Variants in CDC42BPB observed in about 807,000 individuals in gnomAD.
CDC42BPB encodes the protein CDC42 binding protein kinase beta, also known as serine/threonine-protein kinase MRCK beta.
A neutral mutation model predicts 214.9 loss-of-function variants in CDC42BPB; 37 were observed. The ratio of observed to expected loss-of-function variants is 0.17; its 90% CI spans 0.13 to 0.23. CDC42BPB has a LOEUF of 0.23. CDC42BPB is among the 10% of genes least tolerant of loss of function. The pLI is 1.00. For missense variants in CDC42BPB, 1,694 were observed against 2,227.0 expected (o/e 0.76, Z 4.82); for synonymous variants, 931 against 884.0 (o/e 1.05, Z -0.94).
chr14:103,047,679 A>G (rs1888370197), intron 1 of CDC42BPB, among the ~76,000 whole-genome samples: 2 of 152,138 alleles, frequency 1.3e-5, no homozygotes, highest in Non-Finnish European at 2.9e-5. Flanking sequence ...CGAAGCGGGC[A>G]GATTCCCTGA....
chr14:102,973,193 T>G (rs1202614448), intron 12 of CDC42BPB, among the ~76,000 whole-genome samples: 1 of 152,190 alleles, frequency 6.6e-6, no homozygotes, highest in Non-Finnish European at 1.5e-5. Flanking sequence ...GGAGGTACTA[T>G]GACCCTGTCA....
At chr14:103,003,794 C>A in intron 4 of CDC42BPB, 134 bp downstream of exon 4, 1 of 574,464 alleles carries the variant, frequency 1.7e-6, no homozygotes, top group South Asian at 3.0e-5. Flanking sequence ...GAAAACAAGC[C>A]CCGCCGTTTT....
rs542472008 is a variant in CDC42BPB, at chr14:103,019,069, C to T, written c.176-6881G>A. ...GGGGATCTTCCCACCTTGGCCTCCC[C>T]AGTAGCTGGGACCACAGGCATGCTC... is the stretch of plus-strand genomic sequence containing the variant. On this transcript the variant is annotated intron_variant, in intron 1 of 36. Transcript: ENST00000361246. Among the ~76,000 whole-genome samples the T allele has an allele frequency of 2.6e-5, 4 of 152,212 alleles. No homozygotes were observed. In the South Asian group the frequency reaches 8.3e-4, roughly 32 times the overall value.
At position 102,999,978 on chromosome 14, in the gene CDC42BPB, T is replaced by C. The variant is rs1004956652; in HGVS notation, c.448-265A>G. 3 of 920,516 alleles carry C rather than the reference T, an allele frequency of 3.3e-6. No individual in the cohort carries two copies. In the African/African-American group the frequency reaches 5.4e-5, roughly 16 times the overall value. 57.0% of individuals were successfully genotyped at this position (920,516 alleles called of 1,614,324 possible). A position where few individuals can be genotyped will look rare whatever the true frequency, so the allele number is the denominator to read the frequency against. ...TCAATGGGAGGAATGATGAAAGGGC[T>C]TGAGGTTGGAGAGGGCACTCTAAAA... On this transcript the variant is annotated intron_variant, in intron 4 of 36. Coordinates refer to ENST00000361246, the MANE Select transcript of CDC42BPB (RefSeq NM_006035.4).
rs1234518965 is a variant in CDC42BPB at position 103,057,403 on chromosome 14, CCTCGGCGCCGCCGCCCTCCCAG to C, written c.-252_-231del. On this transcript the variant is annotated 5_prime_UTR_variant, in exon 1 of 37. Transcript: ENST00000361246. The stretch of plus-strand genomic sequence containing the variant: ...GCGGGTCCATGGGCCGCTCTCCTCC[CCTCGGCGCCGCCGCCCTCCCAG>C]CTCGGGCGGCCCGCCCCCGCCGCCC... 1.8e-5 allele frequency: 15 copies of C among 823,248 alleles called. No individual in the cohort carries two copies. Among genetic ancestry groups the C allele is most frequent in the Non-Finnish European group, 2.1e-5 (14 of 681,940 alleles). The allele number at this position is 823,248 out of a possible 1,614,324, so 51.0% of individuals were successfully genotyped here. A position where few individuals can be genotyped will look rare whatever the true frequency, so the allele number is the denominator to read the frequency against.
At chr14:102,999,000 G>A (rs550664198) in intron 5 of CDC42BPB, among the ~76,000 whole-genome samples, 3 of 8,014 alleles carry the variant, frequency 3.7e-4, no homozygotes, top group African/African-American at 1.9e-3. Context: ...GGTCTTGGGC[G>A]GTAGAGACAG....
intron 1 of CDC42BPB, among the ~76,000 whole-genome samples, chr14:103,034,411 G>C (rs956117738): frequency 1.3e-5 from 2 of 152,148 alleles, no homozygotes; most frequent in Admixed American, 1.3e-4. Flanking sequence ...TCATTTTACT[G>C]AGAATATTTC....
rs962088672 is a variant in CDC42BPB, at chr14:103,004,773, G to C, written c.352-750C>G. Among the ~76,000 whole-genome samples the C allele has an allele frequency of 6.6e-6, 1 of 152,120 alleles. No individual in the cohort carries two copies. The highest frequency in any genetic ancestry group is 1.5e-5 in the Non-Finnish European group (1 of 68,020). ...AATCCCAGCTACATGGGAGGCTGAG[G>C]GGGGAGAACTGCTTGAGCCCAGGAA... is the stretch of plus-strand genomic sequence containing the variant. On this transcript the variant is annotated intron_variant, in intron 3 of 36. Transcript: ENST00000361246. This position sits in a 1 kb window ranked among gnomAD's most constrained non-coding sequence, Gnocchi z 5.3.
intron 30 of CDC42BPB, among the ~76,000 whole-genome samples, chr14:102,942,767 C>T (rs958180518): frequency 1.7e-4 from 25 of 146,632 alleles, no homozygotes; most frequent in Admixed American, 7.5e-4. Context: ...TGCAGTGGCG[C>T]GATCTTGGAT....
At chr14:103,028,096 C>G (rs1010661263) in intron 1 of CDC42BPB, among the ~76,000 whole-genome samples, 1 of 152,166 alleles carries the variant, frequency 6.6e-6, no homozygotes, top group Non-Finnish European at 1.5e-5. Context: ...TGCCACTGCA[C>G]TCCAGCCTGG....
In CDC42BPB at chr14:103,012,186, T is replaced by C. The variant is rs775126793; in HGVS notation, c.178A>G (p.Lys60Glu). ...TCTTTCACCAGCTGTGTAAATGGTTTAGCTACAAGTAAAACAGTAAAACCA... is the reference window on the plus strand; with the variant it reads ...TCTTTCACCAGCTGTGTAAATGGTTCAGCTACAAGTAAAACAGTAAAACCA... Reference protein sequence around the residue: ...KYVAEFLEWAKPFTQLVKEMQ... With the variant: ...KYVAEFLEWAEPFTQLVKEMQ... Residue 60 changes from lysine (K) to glutamate (E), a missense_variant and splice_region_variant, in exon 2 of 37, where the codon AAA becomes GAA. This residue lies in a region of CDC42BPB where 83 missense variants were observed against 79.9 expected (regional missense o/e 1.04). Transcript: ENST00000361246. 3.2e-5 allele frequency: 52 copies of C among 1,611,476 alleles called. No homozygotes were observed. In the South Asian group the frequency reaches 4.0e-4, roughly 12 times the overall value.
In CDC42BPB at chr14:103,057,365, G is replaced by A; in HGVS notation, c.-192C>T. On this transcript the variant is annotated 5_prime_UTR_variant, in exon 1 of 37. Transcript: ENST00000361246. ...TCCGTCCCGACGGCGCAGAGTCTGG[G>A]GCGCCGGGCCCCGCGGGTCCATGGG... 2 of 1,001,668 alleles carry A rather than the reference G, an allele frequency of 2.0e-6. No individual in the cohort carries two copies. Among genetic ancestry groups the A allele is most frequent in the Non-Finnish European group, 2.4e-6 (2 of 839,826 alleles). 62.0% of individuals were successfully genotyped at this position (1,001,668 alleles called of 1,614,324 possible). A position where few individuals can be genotyped will look rare whatever the true frequency, so the allele number is the denominator to read the frequency against.
chr14:102,987,788 A>AACACACAT (rs1555390732), intron 5 of CDC42BPB, among the ~76,000 whole-genome samples: 1 of 140,760 alleles, frequency 7.1e-6, no homozygotes, highest in Non-Finnish European at 1.5e-5. Context: ...CAAACACACA[A>AACACACAT]ACACACACAC....
intron 21 of CDC42BPB, among the ~76,000 whole-genome samples, chr14:102,957,547 G>A (rs547026563): frequency 2.0e-5 from 3 of 152,240 alleles, no homozygotes; most frequent in Admixed American, 1.3e-4. Flanking sequence ...GCTTATCAAA[G>A]ATCTGGCGGG....
Position 102,933,468 on chromosome 14 carries a change from G to T in CDC42BPB, c.*244C>A. ...AGGGGTGGGAGACAGGCTGTATGGGGGTCCTTCATGTGCAGATGGAACAGC... is the reference window on the plus strand; with the variant it reads ...AGGGGTGGGAGACAGGCTGTATGGGTGTCCTTCATGTGCAGATGGAACAGC... On this transcript the variant is annotated 3_prime_UTR_variant, in exon 37 of 37. Coordinates refer to ENST00000361246, the MANE Select transcript of CDC42BPB (RefSeq NM_006035.4). The T allele has an allele frequency of 2.6e-6, 1 of 381,700 alleles. No individual in the cohort carries two copies. The highest frequency in any genetic ancestry group is 4.6e-6 in the Non-Finnish European group (1 of 216,546). 23.6% of individuals were successfully genotyped at this position (381,700 alleles called of 1,614,324 possible).
chr14:102,940,002 T>A (rs1891818104), intron 32 of CDC42BPB, 44 bp downstream of exon 32: 6 of 1,613,638 alleles, frequency 3.7e-6, no homozygotes, highest in Non-Finnish European at 5.1e-6. Context: ...CACACGCCCC[T>A]CCAACTTCCC....
In CDC42BPB at chr14:102,950,491, C is replaced by G; in HGVS notation, c.3284G>C (p.Gly1095Ala). 1 of 1,613,236 alleles carries G rather than the reference C, an allele frequency of 6.2e-7. No homozygotes were observed. Among genetic ancestry groups the G allele is most frequent in the Non-Finnish European group, 8.5e-7 (1 of 1,179,982 alleles). Reference protein sequence around the residue: ...PLGVDVQRGIGTAYKGHVKVP... With the variant: ...PLGVDVQRGIATAYKGHVKVP... Reference sequence around the variant, plus strand: ...CTTGACATGGCCTTTGTAGGCTGTTCCGATGCCTCGCTGCACGTCCACGCC... The same window carrying G: ...CTTGACATGGCCTTTGTAGGCTGTTGCGATGCCTCGCTGCACGTCCACGCC... The change falls in exon 25 of 37, where the codon GGA becomes GCA. Residue 1095 changes from glycine (G) to alanine (A), a missense_variant. Around this residue, in one of 7 missense-constraint regions of CDC42BPB, gnomAD observed 567 missense variants for 790.3 expected, o/e 0.72. Coordinates refer to ENST00000361246, the MANE Select transcript of CDC42BPB (RefSeq NM_006035.4).
At chr14:103,027,866 A>T (rs1566912815) in intron 1 of CDC42BPB, among the ~76,000 whole-genome samples, 1 of 152,074 alleles carries the variant, frequency 6.6e-6, no homozygotes, top group African/African-American at 2.4e-5. Flanking sequence ...GTGGTGGATC[A>T]CGCCTGTAAT....
In CDC42BPB at chr14:103,001,158, C is replaced by T. The variant is rs1200606162; in HGVS notation, c.448-1445G>A. On this transcript the variant is annotated intron_variant, in intron 4 of 36. Coordinates refer to ENST00000361246, the MANE Select transcript of CDC42BPB (RefSeq NM_006035.4). The surrounding 1 kb of genome is among the most constrained non-coding windows in gnomAD (Gnocchi z 5.8). ...AGTCTTCCTCAAGCCTCCCTGCCAC[C>T]GCCAAGGGCAGCCCCAGCCTCCCCG... Among the ~76,000 whole-genome samples, 4 of 152,130 alleles carry T rather than the reference C, an allele frequency of 2.6e-5. No individual in the cohort carries two copies. Among genetic ancestry groups the T allele is most frequent in the South Asian group, 2.1e-4 (1 of 4,822 alleles).
Sources: gnomAD v4.1 joint callset for allele counts (sites outside exome capture counted in the v4.1 genomes callset) on GRCh38, gnomAD v4.1.1 for gene constraint, gnomAD v4.1.1 regional missense constraint, Gnocchi (gnomAD v3.1) non-coding constraint, MANE v1.5 for transcripts, NCBI Gene and HGNC (gene_info 2026-07-23, HGNC 2026-07-21) for gene names.